NR1H4: variants seen among roughly 807,000 people sequenced by gnomAD.
The protein encoded by NR1H4 is nuclear receptor subfamily 1 group H member 4.
NR1H4 carries 23 observed loss-of-function variants against 58.5 expected under a neutral mutation model. The observed-to-expected ratio is 0.39, with a 90% CI of 0.28 to 0.56. The LOEUF (loss-of-function observed/expected upper bound fraction) is 0.56. Ranked by LOEUF, NR1H4 falls within the 20% of genes least tolerant of loss-of-function variation. The pLI, the probability that NR1H4 is intolerant of heterozygous loss-of-function variation, is 0.58. For missense variants in NR1H4, 487 were observed against 576.9 expected (o/e 0.84, Z 1.60); for synonymous variants, 214 against 198.0 (o/e 1.08, Z -0.68).
At chr12:100,479,066 C>T (rs569738484) in intron 1 of NR1H4, among the ~76,000 whole-genome samples, 24 of 152,136 alleles carry the variant, frequency 1.6e-4, no homozygotes, top group Admixed American at 4.6e-4. Flanking sequence ...GCCAATTTCT[C>T]TCTTGGGTTG....
chr12:100,494,240 G>A lies in NR1H4; in HGVS notation c.79+838G>A, dbSNP rs1032385271. ...GCTTATTTGGTTGCTGATATTCCTA[G>A]GACCTGTTAATTAATAATTTGTTCT... is the stretch of plus-strand genomic sequence containing the variant. On this transcript the variant is annotated intron_variant, in intron 3 of 10. Coordinates refer to ENST00000392986, the MANE Select transcript of NR1H4 (RefSeq NM_001206979.2). Among the ~76,000 whole-genome samples the A allele has an allele frequency of 2.0e-5, 3 of 152,214 alleles. No homozygotes were observed. The South Asian group carries it at 6.2e-4, about 32-fold the overall frequency.
chr12:100,481,123 C>A (rs11110390), intron 1 of NR1H4, among the ~76,000 whole-genome samples: 1 of 151,910 alleles, frequency 6.6e-6, no homozygotes, highest in Non-Finnish European at 1.5e-5. Context: ...CAAGGGCTAG[C>A]GAAACAGACT....
chr12:100,479,854 G>T (rs1041069774), intron 1 of NR1H4, among the ~76,000 whole-genome samples: 17 of 152,116 alleles, frequency 1.1e-4, no homozygotes, highest in African/African-American at 3.9e-4. Context: ...TGATCACTCT[G>T]CCTGAACTTA....
At chr12:100,506,036 CACACACAG>C (rs1409264330) in intron 3 of NR1H4, among the ~76,000 whole-genome samples, 5 of 134,670 alleles carry the variant, frequency 3.7e-5, no homozygotes, top group African/African-American at 1.7e-4. Context: ...CACACACACA[CACACACAG>C]AGAGAGAGAG....
intron 9 of NR1H4, 89 bp downstream of exon 9, chr12:100,540,907 CA>C (rs1954920225): frequency 1.6e-6 from 2 of 1,254,598 alleles, no homozygotes; most frequent in Non-Finnish European, 2.3e-6. Context: ...CAATCTTATG[CA>C]ATGTTATATG....
chr12:100,542,114 G>A, intron 9 of NR1H4, among the ~76,000 whole-genome samples: 1 of 152,060 alleles, frequency 6.6e-6, no homozygotes, highest in East Asian at 1.9e-4. Flanking sequence ...GGGAGGCAGA[G>A]GGGGGTGGAT....
chr12:100,545,826 T>G (rs962803283), intron 9 of NR1H4, among the ~76,000 whole-genome samples: 1 of 151,624 alleles, frequency 6.6e-6, no homozygotes, highest in African/African-American at 2.4e-5. Flanking sequence ...ACTAAATATG[T>G]CAGAAGTTAA....
intron 8 of NR1H4, among the ~76,000 whole-genome samples, chr12:100,538,402 G>A (rs759911153): frequency 6.6e-6 from 1 of 152,114 alleles, no homozygotes; most frequent in Non-Finnish European, 1.5e-5. Context: ...AAAAAGAAGA[G>A]AGATTCAAAA....
intron 9 of NR1H4, among the ~76,000 whole-genome samples, chr12:100,545,665 A>AC (rs1955050774): frequency 2.2e-5 from 3 of 134,460 alleles, no homozygotes; most frequent in African/African-American, 1.1e-4. Flanking sequence ...AAAAAAAAAA[A>AC]AAAACCAAAC....
chr12:100,477,175 G>A (rs1409623061), intron 1 of NR1H4, among the ~76,000 whole-genome samples: 1 of 151,950 alleles, frequency 6.6e-6, no homozygotes, highest in Non-Finnish European at 1.5e-5. Flanking sequence ...GGCCATAAAA[G>A]AACATCTACT....
chr12:100,508,109 G>A lies in NR1H4; in HGVS notation c.80-2669G>A, dbSNP rs61941823. On this transcript the variant is annotated intron_variant, in intron 3 of 10. Coordinates refer to ENST00000392986, the MANE Select transcript of NR1H4 (RefSeq NM_001206979.2). ...TAGATTCAGGAACATGACTGCCAGG[G>A]ACCTAGAAACCTCTTCTGTTGGGAA... Among the ~76,000 whole-genome samples the A allele has an allele frequency of 5.1e-3, 771 of 152,076 alleles. 6 individuals are homozygous for A. The highest frequency in any genetic ancestry group is 0.024 in the Middle Eastern group (7 of 294).
chr12:100,497,753 T>C (rs2136115033), intron 3 of NR1H4, among the ~76,000 whole-genome samples: 1 of 152,268 alleles, frequency 6.6e-6, no homozygotes, highest in Non-Finnish European at 1.5e-5. Flanking sequence ...AATTAGTGCA[T>C]AATAAAAAGT....
intron 1 of NR1H4, 50 bp from the exon 2 acceptor site, chr12:100,492,453 A>T (rs1953625949): frequency 6.6e-6 from 1 of 152,236 alleles, no homozygotes; most frequent in Non-Finnish European, 1.5e-5. Context: ...AGATTCTGAC[A>T]GCACACATTA....
intron 1 of NR1H4, among the ~76,000 whole-genome samples, chr12:100,491,895 C>G (rs1043382865): frequency 1.3e-5 from 2 of 152,160 alleles, no homozygotes; most frequent in African/African-American, 4.8e-5. Context: ...CCCTCCGCTA[C>G]TTCTCTATCT....
chr12:100,515,573 A>G (rs529329061), intron 4 of NR1H4, among the ~76,000 whole-genome samples: 31 of 152,230 alleles, frequency 2.0e-4, no homozygotes, highest in Admixed American at 3.9e-4. Flanking sequence ...GATCATAGAT[A>G]TGATCCAGAG....
chr12:100,517,884 A>G (rs924006346), intron 4 of NR1H4, among the ~76,000 whole-genome samples: 1 of 152,186 alleles, frequency 6.6e-6, no homozygotes, highest in African/African-American at 2.4e-5. Flanking sequence ...ATAGCTTATA[A>G]TCTAACTCCA....
At chr12:100,509,896 T>TGCACGTGG (rs1401626621) in intron 3 of NR1H4, among the ~76,000 whole-genome samples, 1 of 151,100 alleles carries the variant, frequency 6.6e-6, no homozygotes, top group African/African-American at 2.5e-5. Flanking sequence ...AATTTGTCTT[T>TGCACGTGG]GCACGTGGGC....
chr12:100,503,452 C>T (rs747025458), intron 3 of NR1H4: 16 of 1,597,330 alleles, frequency 1.0e-5, no homozygotes, highest in East Asian at 4.5e-5. Context: ...AGCTGTACGC[C>T]GTCAGGATTT....
At chr12:100,518,527 G>A (rs1205316506) in intron 4 of NR1H4, among the ~76,000 whole-genome samples, 1 of 152,194 alleles carries the variant, frequency 6.6e-6, no homozygotes, top group Non-Finnish European at 1.5e-5. Context: ...GGGAGAGGAT[G>A]GGTTGGAACC....
Sources: allele counts gnomAD v4.1 joint callset (sites outside exome capture counted in the v4.1 genomes callset), GRCh38; gene constraint gnomAD v4.1.1; transcripts MANE v1.5; gene names NCBI Gene and HGNC (gene_info 2026-07-23, HGNC 2026-07-21).